PRXL2C: variants seen among roughly 807,000 people sequenced by gnomAD.
PRXL2C encodes the protein peroxiredoxin like 2C, also known as peroxiredoxin-like 2C.
Under a neutral mutation model 24.9 loss-of-function variants are expected in PRXL2C, and 38 were observed. The observed-to-expected ratio is 1.53, with a 90% CI of 1.18 to 2.00. The LOEUF (loss-of-function observed/expected upper bound fraction) is 2.00. Ranked by LOEUF, PRXL2C falls within the 30% of genes most tolerant of loss-of-function variation. The probability of loss-of-function intolerance (pLI) is 0.00; values close to 1 mark genes in which losing one functional copy is unlikely to be tolerated. For synonymous variants in PRXL2C, 98 were observed against 117.2 expected, an observed-to-expected ratio of 0.84 and a Z score of 1.06; for missense variants, 294 against 290.9, an observed-to-expected ratio of 1.01 and a Z score of -0.08.
intron 2 of PRXL2C, 79 bp downstream of exon 2, chr9:96,654,626 G>A (rs1848322893): frequency 7.3e-7 from 1 of 1,363,224 alleles, no homozygotes. Flanking sequence ...CAAGTTCCGC[G>A]CTGGAGCCGC....
chr9:96,644,942 AGGCTGGAG>A (rs1237526601), intron 5 of PRXL2C, among the ~76,000 whole-genome samples: 26 of 107,176 alleles, frequency 2.4e-4, no homozygotes, highest in African/African-American at 7.3e-4. Context: ...TCTCTCACCC[AGGCTGGAG>A]GGCTGGAGTT....
At position 96,641,474 on chromosome 9, in the gene PRXL2C, ATAATT is replaced by A. The variant is rs1425465844; in HGVS notation, c.*280_*284del. 13 of 216,096 alleles carry A rather than the reference ATAATT, an allele frequency of 6.0e-5. No homozygotes were observed. In the East Asian group the frequency reaches 1.2e-3, roughly 20 times the overall value. The allele number at this position is 216,096 out of a possible 1,614,324, so 13.4% of individuals were successfully genotyped here. Reference sequence around the variant, plus strand: ...TTGACTGAATATACCATAATGTAAAATAATTTAGAGTATTTATGATTTTATAGCTT... The same window carrying A: ...TTGACTGAATATACCATAATGTAAAATAGAGTATTTATGATTTTATAGCTT... On this transcript the variant is annotated 3_prime_UTR_variant, in exon 6 of 6. Transcript: ENST00000375234.
Position 96,654,775 on chromosome 9 carries a change from T to C in PRXL2C, c.193-2A>G, listed in dbSNP as rs778789652. ...CTTGCAGATGTAACACAGGAAATGC[T>C]GAAAGCCAAAACGGCAGAAAGGGCA... On this transcript the variant is annotated splice_acceptor_variant, in intron 1 of 5. Coordinates refer to ENST00000375234, the MANE Select transcript of PRXL2C (RefSeq NM_153698.2). LOFTEE classifies it high-confidence loss of function. 16 of 1,560,054 alleles carry C rather than the reference T, an allele frequency of 1.0e-5. No homozygotes were observed. In the African/African-American group the frequency reaches 1.6e-4, roughly 16 times the overall value.
chr9:96,641,646 C>A lies in PRXL2C; in HGVS notation c.*113G>T. ...AAGCCCCCTTTATGCTTCCCTAACT[C>A]CTCAAAGGCTGGGAAGGGACAGCAG... On this transcript the variant is annotated 3_prime_UTR_variant, in exon 6 of 6. Coordinates refer to ENST00000375234, the MANE Select transcript of PRXL2C (RefSeq NM_153698.2). 2 of 1,134,490 alleles carry A rather than the reference C, an allele frequency of 1.8e-6. No homozygotes were observed. Among genetic ancestry groups the A allele is most frequent in the Admixed American group, 2.8e-5 (1 of 35,116 alleles). The allele number at this position is 1,134,490 out of a possible 1,614,324, so 70.3% of individuals were successfully genotyped here. A position where few individuals can be genotyped will look rare whatever the true frequency, so the allele number is the denominator to read the frequency against.
chr9:96,645,797 G>GAAAA, intron 5 of PRXL2C, 96 bp downstream of exon 5: 2 of 1,106,242 alleles, frequency 1.8e-6, no homozygotes, highest in Non-Finnish European at 2.4e-6. Flanking sequence ...ACTCCCTCTC[G>GAAAA]AAAAAAAAAA....
At chr9:96,644,097 C>T (rs1388423673) in intron 5 of PRXL2C, among the ~76,000 whole-genome samples, 1 of 145,188 alleles carries the variant, frequency 6.9e-6, no homozygotes, top group Non-Finnish European at 1.5e-5. Flanking sequence ...TACACCACTG[C>T]ACTCCAGCCT....
intron 4 of PRXL2C, among the ~76,000 whole-genome samples, chr9:96,650,270 AAC>A (rs1308841989): frequency 6.6e-6 from 1 of 152,208 alleles, no homozygotes; most frequent in Non-Finnish European, 1.5e-5. Context: ...GGGAGCATCC[AAC>A]ACAGTGGGTA....
rs1281632119 is a variant in PRXL2C at position 96,641,250 on chromosome 9, A to G, written c.*509T>C. The G allele has an allele frequency of 6.6e-6, 1 of 152,270 alleles. No individual in the cohort carries two copies. Among genetic ancestry groups the G allele is most frequent in the African/African-American group, 2.4e-5 (1 of 41,462 alleles). 9.4% of individuals were successfully genotyped at this position (152,270 alleles called of 1,614,324 possible). A position where few individuals can be genotyped will look rare whatever the true frequency, so the allele number is the denominator to read the frequency against. ...TAATAACACTAATCTTAACACAGAG[A>G]TACCTACTGGCAACATTTTGGTGTT... On this transcript the variant is annotated 3_prime_UTR_variant, in exon 6 of 6. Coordinates refer to ENST00000375234, the MANE Select transcript of PRXL2C (RefSeq NM_153698.2).
In PRXL2C at chr9:96,640,898, A is replaced by T. The variant is rs1187857625; in HGVS notation, c.*861T>A. 5.9e-5 allele frequency: 9 copies of T among 152,200 alleles called. No individual in the cohort carries two copies. Among genetic ancestry groups the T allele is most frequent in the Admixed American group, 3.3e-4 (5 of 15,258 alleles). The allele number at this position is 152,200 out of a possible 1,614,324, so 9.4% of individuals were successfully genotyped here. ...AAGCACACTGACCATATTTTTAAAT[A>T]CATATCTTAAATATCTAAAACAATT... On this transcript the variant is annotated 3_prime_UTR_variant, in exon 6 of 6. Transcript: ENST00000375234.
In PRXL2C at chr9:96,641,213, C is replaced by A. The variant is rs1387805979; in HGVS notation, c.*546G>T. The stretch of plus-strand genomic sequence containing the variant: ...AACAGTTGGGAAATACAGAAAAGTA[C>A]AGAAAAGAAAATAATAACACTAATC... On this transcript the variant is annotated 3_prime_UTR_variant, in exon 6 of 6. Transcript: ENST00000375234. 6.6e-6 allele frequency: 1 copy of A among 152,104 alleles called. No individual in the cohort carries two copies. Among genetic ancestry groups the A allele is most frequent in the African/African-American group, 2.4e-5 (1 of 41,400 alleles). 9.4% of individuals were successfully genotyped at this position (152,104 alleles called of 1,614,324 possible).
chr9:96,648,933 C>T (rs766852911), intron 4 of PRXL2C, among the ~76,000 whole-genome samples: 50 of 152,058 alleles, frequency 3.3e-4, no homozygotes, highest in East Asian at 7.8e-4. Context: ...ACCACCACAC[C>T]GGGCTAATTT....
At position 96,654,924 on chromosome 9, in the gene PRXL2C, G is replaced by GCCTCGC. The variant is rs982819515; in HGVS notation, c.193-157_193-152dup. The GCCTCGC allele has an allele frequency of 2.6e-5, 31 of 1,193,694 alleles. No individual in the cohort carries two copies. In the African/African-American group the frequency reaches 3.4e-4, roughly 13 times the overall value. The allele number at this position is 1,193,694 out of a possible 1,614,324, so 73.9% of individuals were successfully genotyped here. On this transcript the variant is annotated intron_variant, in intron 1 of 5. Coordinates refer to ENST00000375234, the MANE Select transcript of PRXL2C (RefSeq NM_153698.2). ...CGGGCGCCCGGCGCGTGGGAAGCGG[G>GCCTCGC]CCTCGCCCTCGCCCTCTCCCTGCCC...
intron 2 of PRXL2C, among the ~76,000 whole-genome samples, chr9:96,651,974 C>G (rs569669023): frequency 7.2e-5 from 11 of 152,294 alleles, no homozygotes; most frequent in African/African-American, 2.6e-4. Flanking sequence ...AACTACAAAA[C>G]TGCTACATGA....
At chr9:96,653,853 C>A (rs960353920) in intron 2 of PRXL2C, among the ~76,000 whole-genome samples, 6 of 139,644 alleles carry the variant, frequency 4.3e-5, no homozygotes, top group Non-Finnish European at 7.8e-5. Context: ...TTTTTTTTTT[C>A]TTTTTTAGAC....
At chr9:96,646,135 A>T in intron 4 of PRXL2C, 111 bp from the exon 5 acceptor site, 1 of 1,213,874 alleles carries the variant, frequency 8.2e-7, no homozygotes. Context: ...ATGGTTTCTC[A>T]ATCTTTTACC....
intron 2 of PRXL2C, among the ~76,000 whole-genome samples, chr9:96,653,199 C>T (rs1008661182): frequency 3.3e-5 from 5 of 151,318 alleles, no homozygotes; most frequent in Non-Finnish European, 5.9e-5. Flanking sequence ...TGCACTCCAG[C>T]CTGGGCGATA....
At chr9:96,648,913 A>C (rs577340296) in intron 4 of PRXL2C, among the ~76,000 whole-genome samples, 1 of 152,204 alleles carries the variant, frequency 6.6e-6, no homozygotes, top group African/African-American at 2.4e-5. Context: ...AGCTGGGATT[A>C]CAGATGTGCA....
chr9:96,650,544 C>T (rs1260525275), intron 4 of PRXL2C, among the ~76,000 whole-genome samples: 1 of 151,972 alleles, frequency 6.6e-6, no homozygotes, highest in Non-Finnish European at 1.5e-5. Context: ...GCTGTGAAAG[C>T]AAAAGGGAAG....
Position 96,655,084 on chromosome 9 carries a change from G to C in PRXL2C, c.192+6C>G, listed in dbSNP as rs1320031337. 8.9e-6 allele frequency: 13 copies of C among 1,454,584 alleles called. No individual in the cohort carries two copies. Among genetic ancestry groups the C allele is most frequent in the Admixed American group, 5.1e-5 (2 of 39,554 alleles). The allele number at this position is 1,454,584 out of a possible 1,614,324, so 90.1% of individuals were successfully genotyped here. A position where few individuals can be genotyped will look rare whatever the true frequency, so the allele number is the denominator to read the frequency against. Reference sequence around the variant, plus strand: ...CGCTTCCCTTCCAGCCCCGCCGCCCGCTCACCCGCACGAACACCACCACGG... The same window carrying C: ...CGCTTCCCTTCCAGCCCCGCCGCCCCCTCACCCGCACGAACACCACCACGG... On this transcript the variant is annotated splice_donor_region_variant and intron_variant, in intron 1 of 5. Coordinates refer to ENST00000375234, the MANE Select transcript of PRXL2C (RefSeq NM_153698.2).
Sources: allele counts gnomAD v4.1 joint callset (sites outside exome capture counted in the v4.1 genomes callset), GRCh38; gene constraint gnomAD v4.1.1; transcripts MANE v1.5; gene names NCBI Gene and HGNC (gene_info 2026-07-23, HGNC 2026-07-21).